The following SLAIN2 variants were observed in gnomAD, a reference collection of about 807,000 sequenced individuals.
SLAIN2 encodes the protein SLAIN family member 2, also known as SLAIN motif-containing protein 2.
Under a neutral mutation model 56.6 loss-of-function variants are expected in SLAIN2, and 31 were observed. The ratio of observed to expected loss-of-function variants is 0.55; its 90% CI spans 0.41 to 0.74. The LOEUF (loss-of-function observed/expected upper bound fraction) is 0.74. SLAIN2 is among the 30% of genes least tolerant of loss of function. The probability of loss-of-function intolerance (pLI) is 0.00; values close to 1 mark genes in which losing one functional copy is unlikely to be tolerated. For synonymous variants in SLAIN2, 317 were observed against 284.9 expected (o/e 1.11, Z -1.13); for missense variants, 777 against 754.2 (o/e 1.03, Z -0.35).
At chr4:48,374,658 T>C (rs1303766326) in intron 2 of SLAIN2, among the ~76,000 whole-genome samples, 1 of 152,100 alleles carries the variant, frequency 6.6e-6, no homozygotes, top group African/African-American at 2.4e-5. Flanking sequence ...GTTATTCTAG[T>C]AGTAGTATGG....
At chr4:48,407,270 T>G (rs6844211) in intron 6 of SLAIN2, among the ~76,000 whole-genome samples, 81,117 of 151,906 alleles carry the variant, frequency 0.53, 22,597 homozygotes, top group South Asian at 0.69. Flanking sequence ...CTCCTTAGTC[T>G]TCTTCTTAAA....
chr4:48,354,007 G>A (rs1347982883), intron 1 of SLAIN2, among the ~76,000 whole-genome samples: 1 of 152,092 alleles, frequency 6.6e-6, no homozygotes, highest in Non-Finnish European at 1.5e-5. Flanking sequence ...TTTTTGGGGG[G>A]ATGTCCGTAA....
chr4:48,369,116 A>G (rs1271581550), intron 1 of SLAIN2, among the ~76,000 whole-genome samples: 1 of 152,216 alleles, frequency 6.6e-6, no homozygotes, highest in African/African-American at 2.4e-5. Flanking sequence ...GTTAGAAATC[A>G]ATAGCTATTT....
chr4:48,369,723 T>C, intron 1 of SLAIN2, 126 bp from the exon 2 acceptor site: 1 of 760,896 alleles, frequency 1.3e-6, no homozygotes, highest in Non-Finnish European at 2.0e-6. Context: ...TAAATGTGGG[T>C]GATTTAAAAT....
At position 48,423,550 on chromosome 4, in the gene SLAIN2, A is replaced by G. The variant is rs1212980989; in HGVS notation, c.*1473A>G. 1.3e-5 allele frequency: 2 copies of G among 152,196 alleles called. No individual in the cohort carries two copies. The highest frequency in any genetic ancestry group is 4.1e-4 in the South Asian group (2 of 4,832). 9.4% of individuals were successfully genotyped at this position (152,196 alleles called of 1,614,324 possible). ...ATCAAAGACATTCCGTAAGTTGGCA[A>G]AAGAAATTGGGAGAGAGAAATAGAA... On this transcript the variant is annotated 3_prime_UTR_variant, in exon 8 of 8. Coordinates refer to ENST00000264313, the MANE Select transcript of SLAIN2 (RefSeq NM_020846.2).
At chr4:48,376,998 A>G (rs1393561928) in intron 2 of SLAIN2, among the ~76,000 whole-genome samples, 1 of 150,100 alleles carries the variant, frequency 6.7e-6, no homozygotes, top group African/African-American at 2.5e-5. Flanking sequence ...TTAAAAAAAA[A>G]ATCCAAACTT....
intron 6 of SLAIN2, chr4:48,394,520 T>C: frequency 6.0e-6 from 8 of 1,328,792 alleles, no homozygotes; most frequent in South Asian, 3.8e-5. Flanking sequence ...TTACAGACGC[T>C]GTAGCCTTTG....
rs1717167573 is a variant in SLAIN2 at position 48,422,004 on chromosome 4, A to G, written c.1680-7A>G. The G allele has an allele frequency of 6.2e-7, 1 of 1,603,258 alleles. No individual in the cohort carries two copies. The highest frequency in any genetic ancestry group is 8.5e-7 in the Non-Finnish European group (1 of 1,173,900). On this transcript the variant is annotated splice_polypyrimidine_tract_variant and splice_region_variant and intron_variant, in intron 7 of 7. Coordinates refer to ENST00000264313, the MANE Select transcript of SLAIN2 (RefSeq NM_020846.2). Reference sequence around the variant, plus strand: ...CAAATTTTAATTACAAAATTGCTTTATTACAGATCCTTGCCAGCTCCTAAA... The same window carrying G: ...CAAATTTTAATTACAAAATTGCTTTGTTACAGATCCTTGCCAGCTCCTAAA...
At chr4:48,354,229 TG>T (rs1715091759) in intron 1 of SLAIN2, among the ~76,000 whole-genome samples, 1 of 152,196 alleles carries the variant, frequency 6.6e-6, no homozygotes, top group Non-Finnish European at 1.5e-5. Context: ...AAAAAGATCC[TG>T]GGCTATATAA....
intron 1 of SLAIN2, among the ~76,000 whole-genome samples, chr4:48,349,714 A>AATAT (rs1465259157): frequency 1.3e-5 from 2 of 152,204 alleles, no homozygotes; most frequent in Admixed American, 1.3e-4. Flanking sequence ...TGGGGATCAT[A>AATAT]ATATAACATG....
At chr4:48,397,529 G>T (rs1716432253) in intron 6 of SLAIN2, among the ~76,000 whole-genome samples, 1 of 152,038 alleles carries the variant, frequency 6.6e-6, no homozygotes, top group African/African-American at 2.4e-5. Context: ...TAAGTTTTGG[G>T]GTACATGTGC....
chr4:48,418,697 G>A (rs1283356594), intron 6 of SLAIN2, among the ~76,000 whole-genome samples: 2 of 151,968 alleles, frequency 1.3e-5, no homozygotes, highest in African/African-American at 2.4e-5. Flanking sequence ...TTCCTATTTT[G>A]TGACGGAGAT....
Position 48,422,815 on chromosome 4 carries a change from A to C in SLAIN2, c.*738A>C, listed in dbSNP as rs1053629583. 2 of 152,212 alleles carry C rather than the reference A, an allele frequency of 1.3e-5. No individual in the cohort carries two copies. The highest frequency in any genetic ancestry group is 1.3e-4 in the Admixed American group (2 of 15,270). The allele number at this position is 152,212 out of a possible 1,614,324, so 9.4% of individuals were successfully genotyped here. On this transcript the variant is annotated 3_prime_UTR_variant, in exon 8 of 8. Coordinates refer to ENST00000264313, the MANE Select transcript of SLAIN2 (RefSeq NM_020846.2). ...TGTGTGTGTTTGTTTTGATTGCCAA[A>C]AGGGCTTAATATCAGTTGTACAATC...
chr4:48,392,694 A>G (rs1716266976), intron 6 of SLAIN2, among the ~76,000 whole-genome samples: 1 of 152,020 alleles, frequency 6.6e-6, no homozygotes, highest in Admixed American at 6.6e-5. Flanking sequence ...TGCAAATGTC[A>G]TCTTAGGGAA....
intron 1 of SLAIN2, among the ~76,000 whole-genome samples, chr4:48,366,434 ATTGT>A (rs1715522004): frequency 6.6e-6 from 1 of 152,064 alleles, no homozygotes; most frequent in Admixed American, 6.5e-5. Context: ...AAATTTCTGA[ATTGT>A]TTTTCTTTTC....
At chr4:48,368,499 TATC>T (rs1715584968) in intron 1 of SLAIN2, among the ~76,000 whole-genome samples, 1 of 152,206 alleles carries the variant, frequency 6.6e-6, no homozygotes, top group Non-Finnish European at 1.5e-5. Context: ...GTAGTGATAA[TATC>T]ATAAAATGGT....
At chr4:48,379,647 T>G in intron 3 of SLAIN2, 43 bp from the exon 4 acceptor site, 1 of 1,343,478 alleles carries the variant, frequency 7.4e-7, no homozygotes, top group Non-Finnish European at 9.6e-7. Flanking sequence ...ATTCAATAGT[T>G]GCTTTACCAG....
intron 6 of SLAIN2, among the ~76,000 whole-genome samples, chr4:48,389,500 A>G (rs1243616256): frequency 6.6e-6 from 1 of 152,230 alleles, no homozygotes; most frequent in Admixed American, 6.5e-5. Flanking sequence ...TATAAATGTT[A>G]AGACAGCCCA....
chr4:48,371,374 A>G (rs1409099646), intron 2 of SLAIN2, among the ~76,000 whole-genome samples: 1 of 152,096 alleles, frequency 6.6e-6, no homozygotes, highest in African/African-American at 2.4e-5. Context: ...TGCCTGGCCA[A>G]AGAAGCACTT....
Sources: allele counts gnomAD v4.1 joint callset (sites outside exome capture counted in the v4.1 genomes callset), GRCh38; gene constraint gnomAD v4.1.1; transcripts MANE v1.5; gene names NCBI Gene and HGNC (gene_info 2026-07-23, HGNC 2026-07-21).